PIEZO2: variants seen among roughly 807,000 people sequenced by gnomAD.
PIEZO2 encodes piezo-type mechanosensitive ion channel component 2.
In PIEZO2, 172 loss-of-function variants were observed where a neutral mutation model predicts 337.3. The observed-to-expected ratio is 0.51, with a 90% CI of 0.45 to 0.58. PIEZO2 has a LOEUF of 0.58. Among genes scored for constraint, PIEZO2 ranks in the 20% least tolerant of loss-of-function variants. PIEZO2 has a pLI of 0.00. For synonymous variants in PIEZO2, 1,251 were observed against 1,228.5 expected (o/e 1.02, Z -0.38); for missense variants, 3,028 against 3,391.3 (o/e 0.89, Z 2.66).
Position 10,773,311 on chromosome 18 carries a change from G to T in PIEZO2, c.2785+101C>A. ...AAACCACTCCAATTTTTATGTCATG[G>T]ACTGGGTCAAATATATATTCTTTTG... On this transcript the variant is annotated intron_variant, in intron 20 of 55. Coordinates refer to ENST00000674853, the MANE Select transcript of PIEZO2 (RefSeq NM_001378183.1). This position sits in a 1 kb window ranked among gnomAD's most constrained non-coding sequence, Gnocchi z 5.3. 8.3e-7 allele frequency: 1 copy of T among 1,206,334 alleles called. No individual in the cohort carries two copies. Among genetic ancestry groups the T allele is most frequent in the East Asian group, 2.5e-5 (1 of 39,240 alleles). 74.7% of individuals were successfully genotyped at this position (1,206,334 alleles called of 1,614,324 possible). A position where few individuals can be genotyped will look rare whatever the true frequency, so the allele number is the denominator to read the frequency against.
chr18:11,049,542 G>A (rs543594541), intron 2 of PIEZO2, among the ~76,000 whole-genome samples: 33 of 152,262 alleles, frequency 2.2e-4, no homozygotes, highest in African/African-American at 7.2e-4. Flanking sequence ...AATAAAAGGT[G>A]ATATGGTTTG....
chr18:10,988,365 G>A lies in PIEZO2; in HGVS notation c.161-8705C>T, dbSNP rs990537730. Among the ~76,000 whole-genome samples, 3 of 152,072 alleles carry A rather than the reference G, an allele frequency of 2.0e-5. No homozygotes were observed. Among genetic ancestry groups the A allele is most frequent in the Non-Finnish European group, 2.9e-5 (2 of 68,016 alleles). ...TAAATTATCCAGTCTGTGACATTTC[G>A]TTTAGCAGCACAAATGTATTAAGAA... On this transcript the variant is annotated intron_variant, in intron 2 of 55. Coordinates refer to ENST00000674853, the MANE Select transcript of PIEZO2 (RefSeq NM_001378183.1). This position sits in a 1 kb window ranked among gnomAD's most constrained non-coding sequence, Gnocchi z 4.8.
intron 3 of PIEZO2, among the ~76,000 whole-genome samples, chr18:10,915,763 T>C (rs1433760100): frequency 6.6e-6 from 1 of 152,176 alleles, no homozygotes. Flanking sequence ...TCGTCTCATC[T>C]TGGGAACTGT....
At chr18:10,777,109 C>T (rs1199970973) in intron 18 of PIEZO2, among the ~76,000 whole-genome samples, 1 of 152,164 alleles carries the variant, frequency 6.6e-6, no homozygotes, top group Non-Finnish European at 1.5e-5. Context: ...TGCCTTCAAT[C>T]AGGCTGCTTT....
chr18:10,986,245 A>G (rs1278827805), intron 2 of PIEZO2, among the ~76,000 whole-genome samples: 1 of 152,052 alleles, frequency 6.6e-6, no homozygotes. Flanking sequence ...TGAGTCCAGC[A>G]TTGCCTTGAT....
intron 7 of PIEZO2, among the ~76,000 whole-genome samples, chr18:10,825,780 A>G (rs2040657510): frequency 6.6e-6 from 1 of 151,462 alleles, no homozygotes; most frequent in African/African-American, 2.4e-5. Flanking sequence ...CGAACTCCCG[A>G]CCTCAGGTGA....
At chr18:10,868,818 G>T (rs1324218156) in intron 5 of PIEZO2, among the ~76,000 whole-genome samples, 2 of 152,166 alleles carry the variant, frequency 1.3e-5, no homozygotes, top group Non-Finnish European at 2.9e-5. Flanking sequence ...ACCTCATCAT[G>T]ACCTCACAGC....
At chr18:10,799,972 CAAAA>C (rs34096733) in intron 11 of PIEZO2, among the ~76,000 whole-genome samples, 5 of 128,278 alleles carry the variant, frequency 3.9e-5, no homozygotes, top group Admixed American at 1.5e-4. Flanking sequence ...GACTCTGTCT[CAAAA>C]AAAAAAAAAA....
At chr18:10,966,720 C>T (rs1049470378) in intron 3 of PIEZO2, among the ~76,000 whole-genome samples, 4 of 152,080 alleles carry the variant, frequency 2.6e-5, no homozygotes, top group Non-Finnish European at 2.9e-5. Context: ...TCACCCATCA[C>T]CTGAGCAGTG....
intron 1 of PIEZO2, among the ~76,000 whole-genome samples, chr18:11,067,369 G>A (rs2038186968): frequency 6.6e-6 from 1 of 151,988 alleles, no homozygotes; most frequent in South Asian, 2.1e-4. Flanking sequence ...AAAGGCAAAT[G>A]TAACCATACT....
intron 2 of PIEZO2, among the ~76,000 whole-genome samples, chr18:10,999,827 A>G (rs997654283): frequency 2.6e-5 from 4 of 152,234 alleles, no homozygotes; most frequent in African/African-American, 9.6e-5. Flanking sequence ...AAATTGATAC[A>G]TAAAACTGGG....
rs181389389 is a variant in PIEZO2, at chr18:10,942,061, C to T, written c.287-30833G>A. 5.2e-3 allele frequency among the ~76,000 whole-genome samples: 789 copies of T among 152,332 alleles called. 5 individuals carry two copies. Among genetic ancestry groups the T allele is most frequent in the African/African-American group, 0.018 (729 of 41,564 alleles). On this transcript the variant is annotated intron_variant, in intron 3 of 55. Transcript: ENST00000674853. This position sits in a 1 kb window ranked among gnomAD's most constrained non-coding sequence, Gnocchi z 4.4. Reference sequence around the variant, plus strand: ...GATGTGACTTGCTCCTCCTTGCTTTCGGCCACGATCGTGAGGCCTCTCCAG... The same window carrying T: ...GATGTGACTTGCTCCTCCTTGCTTTTGGCCACGATCGTGAGGCCTCTCCAG...
At chr18:10,978,223 C>A (rs2145479945) in intron 3 of PIEZO2, among the ~76,000 whole-genome samples, 1 of 152,212 alleles carries the variant, frequency 6.6e-6, no homozygotes. Context: ...GTAGTCCCAG[C>A]TACTCAGGAG....
At chr18:10,710,029 C>A (rs1441724353) in intron 39 of PIEZO2, among the ~76,000 whole-genome samples, 1 of 152,250 alleles carries the variant, frequency 6.6e-6, no homozygotes, top group Non-Finnish European at 1.5e-5. Context: ...TGAATCAGTG[C>A]CCCTTTCTGG....
rs1050071254 is a variant in PIEZO2, at chr18:10,759,636, T to G, written c.3656-53A>C. 6 of 1,535,308 alleles carry G rather than the reference T, an allele frequency of 3.9e-6. No homozygotes were observed. Among genetic ancestry groups the G allele is most frequent in the Non-Finnish European group, 5.2e-6 (6 of 1,145,200 alleles). On this transcript the variant is annotated intron_variant, in intron 25 of 55. Coordinates refer to ENST00000674853, the MANE Select transcript of PIEZO2 (RefSeq NM_001378183.1). The surrounding 1 kb of genome is among the most constrained non-coding windows in gnomAD (Gnocchi z 5.5). Reference sequence around the variant, plus strand: ...CAATCAATACTCTTCTTCACCACTCTTCTCCCAGCCGTCCGCTCAGTAATG... The same window carrying G: ...CAATCAATACTCTTCTTCACCACTCGTCTCCCAGCCGTCCGCTCAGTAATG...
rs1182835316 is a variant in PIEZO2 at position 10,672,547 on chromosome 18, A to C, written c.8345+143T>G. On this transcript the variant is annotated intron_variant, in intron 55 of 55. Coordinates refer to ENST00000674853, the MANE Select transcript of PIEZO2 (RefSeq NM_001378183.1). The surrounding 1 kb of genome is among the most constrained non-coding windows in gnomAD (Gnocchi z 4.7). ...ACTCTGGTGCCTCATTTTTTGAAAT[A>C]AAATGCACACAAGGATGTGTGCATT... The C allele has an allele frequency of 1.1e-6, 1 of 907,030 alleles. No individual in the cohort carries two copies. The highest frequency in any genetic ancestry group is 1.7e-5 in the African/African-American group (1 of 59,018). 56.2% of individuals were successfully genotyped at this position (907,030 alleles called of 1,614,324 possible). A position where few individuals can be genotyped will look rare whatever the true frequency, so the allele number is the denominator to read the frequency against.
In PIEZO2 at chr18:11,038,613, T is replaced by G. The variant is rs1489036939; in HGVS notation, c.160+27514A>C. Among the ~76,000 whole-genome samples, 1 of 152,194 alleles carries G rather than the reference T, an allele frequency of 6.6e-6. No individual in the cohort carries two copies. The highest frequency in any genetic ancestry group is 2.4e-5 in the African/African-American group (1 of 41,450). ...CCCACAGTGCAGCTGAGGAGCAGCA[T>G]GTAGTCAGGAAAGAGCATTCCATCA... On this transcript the variant is annotated intron_variant, in intron 2 of 55. Transcript: ENST00000674853. The surrounding 1 kb of genome is among the most constrained non-coding windows in gnomAD (Gnocchi z 4.1).
rs958817990 is a variant in PIEZO2 at position 11,109,882 on chromosome 18, T to A, written c.64+38643A>T. Among the ~76,000 whole-genome samples, 2 of 152,242 alleles carry A rather than the reference T, an allele frequency of 1.3e-5. No homozygotes were observed. Among genetic ancestry groups the A allele is most frequent in the African/African-American group, 4.8e-5 (2 of 41,470 alleles). The stretch of plus-strand genomic sequence containing the variant: ...CTTTACTGAAATTTCTAGTTAGATT[T>A]GACTTTATTATAGTCATCTAAAGTG... On this transcript the variant is annotated intron_variant, in intron 1 of 55. Transcript: ENST00000674853. The surrounding 1 kb of genome is among the most constrained non-coding windows in gnomAD (Gnocchi z 5.1).
chr18:11,121,145 C>T (rs1401163151), intron 1 of PIEZO2, among the ~76,000 whole-genome samples: 3 of 152,066 alleles, frequency 2.0e-5, no homozygotes, highest in African/African-American at 7.2e-5. Context: ...TCCACCTACT[C>T]GGGAGGCTAG....
Sources: gnomAD v4.1 joint callset for allele counts (sites outside exome capture counted in the v4.1 genomes callset) on GRCh38, gnomAD v4.1.1 for gene constraint, Gnocchi (gnomAD v3.1) non-coding constraint, MANE v1.5 for transcripts, NCBI Gene and HGNC (gene_info 2026-07-23, HGNC 2026-07-21) for gene names.